MOK: variants seen among roughly 807,000 people sequenced by gnomAD.
The protein encoded by MOK is MAPK/MAK/MRK overlapping kinase.
Under a neutral mutation model 54.2 loss-of-function variants are expected in MOK, and 59 were observed. The ratio of observed to expected loss-of-function variants is 1.09; its 90% CI spans 0.88 to 1.35. MOK has a LOEUF of 1.35. Ranked by LOEUF, MOK falls within the 40% of genes most tolerant of loss-of-function variation. The probability of loss-of-function intolerance (pLI) is 0.00; values close to 1 mark genes in which losing one functional copy is unlikely to be tolerated. For missense variants in MOK, 517 were observed against 526.2 expected, an observed-to-expected ratio of 0.98 and a Z score of 0.17; for synonymous variants, 210 against 202.7, an observed-to-expected ratio of 1.04 and a Z score of -0.31.
chr14:102,289,870 T>C (rs72698572), intron 1 of MOK, among the ~76,000 whole-genome samples: 46,444 of 152,050 alleles, frequency 0.31, 9,188 homozygotes, highest in African/African-American at 0.57. Context: ...TGTAAGGAGA[T>C]TTACTGGTCC....
chr14:102,294,269 AC>A (rs1426820320), intron 1 of MOK, among the ~76,000 whole-genome samples: 4 of 151,970 alleles, frequency 2.6e-5, no homozygotes, highest in East Asian at 3.9e-4. Context: ...ACATGGTGAA[AC>A]CCCGTCTCTA....
chr14:102,286,157 G>A lies in MOK; in HGVS notation c.8-2565C>T, dbSNP rs946043187. 5.3e-5 allele frequency among the ~76,000 whole-genome samples: 8 copies of A among 151,612 alleles called. 1 individual carries two copies. Among genetic ancestry groups the A allele is most frequent in the Non-Finnish European group, 1.2e-4 (8 of 67,922 alleles). Reference sequence around the variant, plus strand: ...TACTAAAAATACAAAAAATTAGCCGGGCGTGGTGGCGGGTGCCTGTAGTCC... The same window carrying A: ...TACTAAAAATACAAAAAATTAGCCGAGCGTGGTGGCGGGTGCCTGTAGTCC... On this transcript the variant is annotated intron_variant, in intron 1 of 11. Transcript: ENST00000361847.
At chr14:102,265,012 G>A (rs951445426) in intron 3 of MOK, among the ~76,000 whole-genome samples, 1 of 152,218 alleles carries the variant, frequency 6.6e-6, no homozygotes, top group Non-Finnish European at 1.5e-5. Context: ...GGCAGGCACC[G>A]AGGGACAAGC....
chr14:102,288,972 G>A (rs1158527903), intron 1 of MOK, among the ~76,000 whole-genome samples: 2 of 152,060 alleles, frequency 1.3e-5, no homozygotes, highest in African/African-American at 2.4e-5. Context: ...GTGCAACCTC[G>A]GCTCACTGCA....
In MOK at chr14:102,236,182, G is replaced by A. The variant is rs1354753017; in HGVS notation, c.591-2393C>T. ...TTAACAAGACAAAAAGTGAAGAACC[G>A]CTTGCATTCCCGCAGCTCCTCAGCC... is the stretch of plus-strand genomic sequence containing the variant. On this transcript the variant is annotated intron_variant, in intron 7 of 11. Coordinates refer to ENST00000361847, the MANE Select transcript of MOK (RefSeq NM_014226.3). This position sits in a 1 kb window ranked among gnomAD's most constrained non-coding sequence, Gnocchi z 4.5. Among the ~76,000 whole-genome samples the A allele has an allele frequency of 6.6e-6, 1 of 152,222 alleles. No individual in the cohort carries two copies. Among genetic ancestry groups the A allele is most frequent in the Non-Finnish European group, 1.5e-5 (1 of 68,034 alleles).
At chr14:102,280,095 T>C (rs912434708) in intron 2 of MOK, among the ~76,000 whole-genome samples, 1 of 151,892 alleles carries the variant, frequency 6.6e-6, no homozygotes, top group African/African-American at 2.4e-5. Context: ...TTTTTGCGTG[T>C]GTGCGGTTAC....
At chr14:102,291,531 AAC>A (rs2070757302) in intron 1 of MOK, among the ~76,000 whole-genome samples, 1 of 152,196 alleles carries the variant, frequency 6.6e-6, no homozygotes, top group African/African-American at 2.4e-5. Context: ...TGCTTGCTAA[AAC>A]ACCACCAAAA....
chr14:102,227,282 G>A (rs2064288647), downstream of MOK, among the ~76,000 whole-genome samples: 1 of 151,984 alleles, frequency 6.6e-6, no homozygotes. Flanking sequence ...GGCCCTCCTA[G>A]CCACCACTCC....
intron 2 of MOK, among the ~76,000 whole-genome samples, chr14:102,275,173 A>G (rs1261681203): frequency 6.6e-6 from 1 of 152,222 alleles, no homozygotes; most frequent in Non-Finnish European, 1.5e-5. Flanking sequence ...AGGCAAGGAA[A>G]GTCTTTTTTT....
Position 102,237,122 on chromosome 14 carries a change from A to G in MOK, c.591-3333T>C, listed in dbSNP as rs183000245. 2.5e-3 allele frequency among the ~76,000 whole-genome samples: 382 copies of G among 152,244 alleles called. 4 individuals carry two copies. The highest frequency in any genetic ancestry group is 8.4e-3 in the African/African-American group (349 of 41,538). On this transcript the variant is annotated intron_variant, in intron 7 of 11. Coordinates refer to ENST00000361847, the MANE Select transcript of MOK (RefSeq NM_014226.3). ...TTGACACCCTCCAGTCACAACAACT[A>G]ACCTGGACTGTCCTCCCTCAAGGCT...
chr14:102,280,081 C>T (rs1041720246), intron 2 of MOK, among the ~76,000 whole-genome samples: 3 of 151,730 alleles, frequency 2.0e-5, no homozygotes, highest in South Asian at 2.1e-4. Context: ...CAAGCAGAAA[C>T]GGATTTTTGC....
chr14:102,259,987 G>A (rs1217727325), intron 4 of MOK, among the ~76,000 whole-genome samples: 1 of 152,164 alleles, frequency 6.6e-6, no homozygotes, highest in East Asian at 1.9e-4. Context: ...AGACCAGCCT[G>A]ACCAACATGG....
intron 1 of MOK, among the ~76,000 whole-genome samples, chr14:102,291,489 G>A (rs1254630673): frequency 6.6e-6 from 1 of 152,080 alleles, no homozygotes; most frequent in Non-Finnish European, 1.5e-5. Flanking sequence ...TGACCTACCA[G>A]GCCCTGTTCA....
At chr14:102,266,160 G>C (rs1567196105) in intron 2 of MOK, among the ~76,000 whole-genome samples, 1 of 152,038 alleles carries the variant, frequency 6.6e-6, no homozygotes, top group Admixed American at 6.6e-5. Context: ...ATACTTGGTA[G>C]TTTATTTTAC....
Position 102,236,973 on chromosome 14 carries a change from C to T in MOK, c.591-3184G>A, listed in dbSNP as rs1022404355. On this transcript the variant is annotated intron_variant, in intron 7 of 11. Coordinates refer to ENST00000361847, the MANE Select transcript of MOK (RefSeq NM_014226.3). The surrounding 1 kb of genome is among the most constrained non-coding windows in gnomAD (Gnocchi z 4.5). ...CATCCCATAGTCCCTAACCCCTCTA[C>T]ACTTCTCTGTCTCATTCCCTCCAAC... Among the ~76,000 whole-genome samples the T allele has an allele frequency of 5.3e-5, 8 of 152,182 alleles. No homozygotes were observed. The highest frequency in any genetic ancestry group is 1.9e-4 in the East Asian group (1 of 5,198).
chr14:102,256,841 A>G (rs1295802490), intron 4 of MOK, among the ~76,000 whole-genome samples: 2 of 152,210 alleles, frequency 1.3e-5, no homozygotes, highest in South Asian at 4.1e-4. Flanking sequence ...ATAAATTCCA[A>G]GACAGGCTTT....
chr14:102,225,414 CCT>C (rs2064203276), downstream of MOK: 1 of 152,302 alleles, frequency 6.6e-6, no homozygotes. Flanking sequence ...TATTCTGTCT[CCT>C]GTTTGTTGGA....
rs530363337 is a variant in MOK at position 102,238,853 on chromosome 14, T to A, written c.591-5064A>T. Among the ~76,000 whole-genome samples the A allele has an allele frequency of 6.6e-6, 1 of 152,198 alleles. No homozygotes were observed. Among genetic ancestry groups the A allele is most frequent in the South Asian group, 2.1e-4 (1 of 4,826 alleles). On this transcript the variant is annotated intron_variant, in intron 7 of 11. Transcript: ENST00000361847. This position sits in a 1 kb window ranked among gnomAD's most constrained non-coding sequence, Gnocchi z 4.8. ...AAAATGTCATATATGCTCTGTCACCTCCTCTCAAGGAGCCCTCCATTCCCC... is the reference window on the plus strand; with the variant it reads ...AAAATGTCATATATGCTCTGTCACCACCTCTCAAGGAGCCCTCCATTCCCC...
intron 7 of MOK, among the ~76,000 whole-genome samples, chr14:102,237,776 T>TA (rs1393452727): frequency 2.0e-5 from 3 of 152,176 alleles, no homozygotes; most frequent in African/African-American, 7.2e-5. Context: ...TCTAAACAGT[T>TA]AGACAACACA....
Sources: gnomAD v4.1 joint callset for allele counts (sites outside exome capture counted in the v4.1 genomes callset) on GRCh38, gnomAD v4.1.1 for gene constraint, Gnocchi (gnomAD v3.1) non-coding constraint, MANE v1.5 for transcripts, NCBI Gene and HGNC (gene_info 2026-07-23, HGNC 2026-07-21) for gene names.